The following B3GALT1 variants were observed in gnomAD, a reference collection of about 807,000 sequenced individuals.
B3GALT1 encodes beta-1,3-galactosyltransferase 1.
In B3GALT1, 10 loss-of-function variants were observed where a neutral mutation model predicts 23.2. The observed-to-expected ratio is 0.43, with a 90% CI of 0.27 to 0.73. The LOEUF is 0.73. Among genes scored for constraint, B3GALT1 ranks in the 30% least tolerant of loss-of-function variants. B3GALT1 has a pLI of 0.21. For synonymous variants in B3GALT1, 156 were observed against 141.5 expected, an observed-to-expected ratio of 1.10 and a Z score of -0.73; for missense variants, 299 against 405.4, an observed-to-expected ratio of 0.74 and a Z score of 2.25.
intron 1 of B3GALT1, among the ~76,000 whole-genome samples, chr2:167,302,733 A>G (rs571451576): frequency 6.6e-6 from 1 of 152,296 alleles, no homozygotes; most frequent in South Asian, 2.1e-4. Context: ...TTAAATTGAG[A>G]CAATATGAGC....
intron 1 of B3GALT1, among the ~76,000 whole-genome samples, chr2:167,370,012 ATTTG>A (rs965600485): frequency 2.0e-5 from 3 of 152,118 alleles, no homozygotes; most frequent in African/African-American, 4.8e-5. Context: ...TATTCTGTAT[ATTTG>A]TTTGTTTGTT....
intron 2 of B3GALT1, among the ~76,000 whole-genome samples, chr2:167,533,615 A>C (rs1450391569): frequency 6.6e-6 from 1 of 152,128 alleles, no homozygotes; most frequent in South Asian, 2.1e-4. Flanking sequence ...TAGTTTTCTT[A>C]TGACTGCTCT....
chr2:167,866,945 G>A (rs984663209), intron 4 of B3GALT1, among the ~76,000 whole-genome samples: 2 of 150,192 alleles, frequency 1.3e-5, no homozygotes, highest in East Asian at 1.9e-4. Context: ...CTTTTTTTTT[G>A]AGACGGAGTC....
chr2:167,347,241 A>G (rs1410463639), intron 1 of B3GALT1, among the ~76,000 whole-genome samples: 1 of 152,164 alleles, frequency 6.6e-6, no homozygotes, highest in Non-Finnish European at 1.5e-5. Flanking sequence ...ACCTCACTCT[A>G]ATTAACTTCA....
At chr2:167,640,644 G>T (rs1007601422) in intron 2 of B3GALT1, among the ~76,000 whole-genome samples, 6 of 151,886 alleles carry the variant, frequency 4.0e-5, no homozygotes, top group Non-Finnish European at 8.8e-5. Flanking sequence ...CCATAGCCTT[G>T]TTTATTTTAC....
chr2:167,508,013 T>C (rs925109038), intron 2 of B3GALT1, among the ~76,000 whole-genome samples: 2 of 152,216 alleles, frequency 1.3e-5, no homozygotes, highest in South Asian at 4.1e-4. Flanking sequence ...TCTCTTTGTG[T>C]CCTCATGTGA....
intron 1 of B3GALT1, among the ~76,000 whole-genome samples, chr2:167,483,251 C>A (rs1699584764): frequency 6.6e-6 from 1 of 152,194 alleles, no homozygotes; most frequent in South Asian, 2.1e-4. Context: ...TGAGATCGCG[C>A]CATTGCACTC....
At chr2:167,728,331 G>A (rs1484675332) in intron 3 of B3GALT1, among the ~76,000 whole-genome samples, 1 of 152,190 alleles carries the variant, frequency 6.6e-6, no homozygotes, top group African/African-American at 2.4e-5. Flanking sequence ...AGGTTGCAGT[G>A]AGGTGAGATC....
intron 1 of B3GALT1, among the ~76,000 whole-genome samples, chr2:167,337,341 A>G (rs73017743): frequency 0.016 from 2,503 of 151,834 alleles, 56 homozygotes; most frequent in East Asian, 0.082. Flanking sequence ...CTCTCTCCAA[A>G]TGCGTGCTCA....
chr2:167,647,119 A>G (rs913683432), intron 3 of B3GALT1, among the ~76,000 whole-genome samples, 153 bp downstream of exon 3: 2 of 152,144 alleles, frequency 1.3e-5, no homozygotes, highest in Non-Finnish European at 2.9e-5. Flanking sequence ...TTAGACATGA[A>G]CCTTCTCAAG....
intron 4 of B3GALT1, among the ~76,000 whole-genome samples, chr2:167,824,559 T>G (rs1689175196): frequency 6.6e-6 from 1 of 152,214 alleles, no homozygotes; most frequent in Admixed American, 6.5e-5. Context: ...CCAGTCTTGC[T>G]CTCGGTCCTC....
Position 167,862,448 on chromosome 2 carries a change from G to GA in B3GALT1, c.-229-6361dup, listed in dbSNP as rs368129986. Among the ~76,000 whole-genome samples the GA allele has an allele frequency of 4.7e-3, 715 of 152,304 alleles. 5 individuals carry two copies. Among genetic ancestry groups the GA allele is most frequent in the African/African-American group, 0.017 (688 of 41,564 alleles). On this transcript the variant is annotated intron_variant, in intron 4 of 4. Coordinates refer to ENST00000392690, the MANE Select transcript of B3GALT1 (RefSeq NM_020981.4). The stretch of plus-strand genomic sequence containing the variant: ...TTTTCGTCCTATTTAGGCCTTCAGT[G>GA]AATTAGGTGATGCTCATTTACATTG...
At chr2:167,689,061 A>C (rs1298313675) in intron 3 of B3GALT1, among the ~76,000 whole-genome samples, 1 of 152,042 alleles carries the variant, frequency 6.6e-6, no homozygotes, top group Non-Finnish European at 1.5e-5. Context: ...TCTTACTAAA[A>C]TATTGCTGTT....
intron 3 of B3GALT1, among the ~76,000 whole-genome samples, chr2:167,763,828 G>A (rs777592315): frequency 1.3e-5 from 2 of 151,710 alleles, no homozygotes; most frequent in Non-Finnish European, 2.9e-5. Context: ...GTACTACATA[G>A]TCTAAGAGCA....
intron 4 of B3GALT1, among the ~76,000 whole-genome samples, chr2:167,834,436 C>T (rs764921885): frequency 2.6e-5 from 4 of 152,250 alleles, no homozygotes; most frequent in Middle Eastern, 3.4e-3. Context: ...CTGGCTTGTC[C>T]GTCCTTGAAA....
intron 1 of B3GALT1, among the ~76,000 whole-genome samples, chr2:167,470,664 C>T (rs187168558): frequency 2.5e-3 from 376 of 152,180 alleles, no homozygotes; most frequent in Admixed American, 5.2e-3. Flanking sequence ...CCCCCATAAT[C>T]TCCACTGCTC....
At chr2:167,839,873 C>A (rs958481636) in intron 4 of B3GALT1, among the ~76,000 whole-genome samples, 26 of 152,168 alleles carry the variant, frequency 1.7e-4, no homozygotes, top group Admixed American at 1.4e-3. Context: ...GAAATAACGC[C>A]GCATATCTGC....
intron 2 of B3GALT1, among the ~76,000 whole-genome samples, chr2:167,625,621 AT>A (rs1685327406): frequency 6.6e-6 from 1 of 151,770 alleles, no homozygotes; most frequent in Admixed American, 6.6e-5. Flanking sequence ...CCAATTATTT[AT>A]TTTCCATGTC....
intron 1 of B3GALT1, among the ~76,000 whole-genome samples, chr2:167,321,550 A>C (rs1447947774): frequency 6.6e-6 from 1 of 152,040 alleles, no homozygotes; most frequent in Non-Finnish European, 1.5e-5. Flanking sequence ...TGAATATCCA[A>C]GCACCACATC....
Sources: allele counts gnomAD v4.1 joint callset (sites outside exome capture counted in the v4.1 genomes callset), GRCh38; gene constraint gnomAD v4.1.1; transcripts MANE v1.5; gene names NCBI Gene and HGNC (gene_info 2026-07-23, HGNC 2026-07-21).